Variants in CAGE1 observed in about 807,000 individuals in gnomAD.
CAGE1 encodes the protein cancer-associated gene 1 protein.
CAGE1 carries 66 observed loss-of-function variants against 94.9 expected under a neutral mutation model. The observed-to-expected ratio is 0.70, with a 90% CI of 0.57 to 0.85. The LOEUF (loss-of-function observed/expected upper bound fraction) is 0.85. Ranked by LOEUF, CAGE1 falls within the 40% of genes least tolerant of loss-of-function variation. The probability of loss-of-function intolerance (pLI) is 0.00; values close to 1 mark genes in which losing one functional copy is unlikely to be tolerated. For synonymous variants in CAGE1, 319 were observed against 321.0 expected (o/e 0.99, Z 0.07); for missense variants, 865 against 950.4 (o/e 0.91, Z 1.18).
At chr6:7,381,168 G>C (rs1760920955) in intron 3 of CAGE1, among the ~76,000 whole-genome samples, 2 of 152,074 alleles carry the variant, frequency 1.3e-5, no homozygotes. Context: ...CTAACCCCTA[G>C]TACCTTAAAA....
intron 6 of CAGE1, 77 bp from the exon 7 acceptor site, chr6:7,368,875 A>C: frequency 1.3e-6 from 1 of 754,132 alleles, no homozygotes; most frequent in East Asian, 2.9e-5. Flanking sequence ...ATGCATATGA[A>C]ACAAAAACAA....
At chr6:7,337,321 T>A (rs548623598) in intron 11 of CAGE1, among the ~76,000 whole-genome samples, 1 of 122,506 alleles carries the variant, frequency 8.2e-6, no homozygotes, top group Admixed American at 8.4e-5. Flanking sequence ...AGTGAGACTG[T>A]CTCGAAAAAA....
intron 9 of CAGE1, among the ~76,000 whole-genome samples, chr6:7,359,850 C>T (rs1464369748): frequency 1.3e-5 from 2 of 152,198 alleles, no homozygotes; most frequent in Non-Finnish European, 2.9e-5. Context: ...CACTTTCTGT[C>T]GCTGCTGCAA....
intron 12 of CAGE1, chr6:7,331,631 A>C: frequency 3.9e-6 from 1 of 256,624 alleles, no homozygotes; most frequent in Non-Finnish European, 8.1e-6. Context: ...TGTTTAAGAT[A>C]GAACTTCAGA....
intron 1 of CAGE1, among the ~76,000 whole-genome samples, chr6:7,387,804 G>T (rs952099477): frequency 2.0e-5 from 3 of 150,404 alleles, no homozygotes; most frequent in Non-Finnish European, 4.4e-5. Flanking sequence ...CGGATCACGA[G>T]GTCAGGAGAT....
chr6:7,368,252 C>CAAAAAAAAAAAAAAAAAAAAA, intron 7 of CAGE1, among the ~76,000 whole-genome samples: 1 of 84,444 alleles, frequency 1.2e-5, no homozygotes. Context: ...GACTCTGTCT[C>CAAAAAAAAAAAAAAAAAAAAA]AAAAAAAAAA....
intron 7 of CAGE1, among the ~76,000 whole-genome samples, chr6:7,366,104 G>A (rs971278316): frequency 3.9e-5 from 6 of 152,024 alleles, no homozygotes; most frequent in Middle Eastern, 6.8e-3. Flanking sequence ...AAATTATCCG[G>A]GCATGGTGGC....
intron 11 of CAGE1, chr6:7,347,362 C>G (rs1414108881): frequency 1.3e-5 from 2 of 152,108 alleles, no homozygotes; most frequent in African/African-American, 4.8e-5. Context: ...CGAGAAGTTT[C>G]CGACCTTACC....
rs1758554647 is a variant in CAGE1 at position 7,326,710 on chromosome 6, A to G, written c.*148T>C. 1 of 662,482 alleles carries G rather than the reference A, an allele frequency of 1.5e-6. No individual in the cohort carries two copies. The highest frequency in any genetic ancestry group is 1.8e-5 in the African/African-American group (1 of 54,494). The allele number at this position is 662,482 out of a possible 1,614,324, so 41.0% of individuals were successfully genotyped here. ...TATTCACAGGAAGAAATTAGAAGAA[A>G]AGTAATCACATCTTTGGAATGTAAG... On this transcript the variant is annotated 3_prime_UTR_variant, in exon 14 of 14. Coordinates refer to ENST00000502583, the MANE Select transcript of CAGE1 (RefSeq NM_001170692.2).
rs754624826 is a variant in CAGE1 at position 7,334,021 on chromosome 6, C to T, written c.2438+1G>A. 1.3e-6 allele frequency: 2 copies of T among 1,513,546 alleles called. No individual in the cohort carries two copies. The highest frequency in any genetic ancestry group is 1.8e-6 in the Non-Finnish European group (2 of 1,115,610). The allele number at this position is 1,513,546 out of a possible 1,614,324, so 93.8% of individuals were successfully genotyped here. On this transcript the variant is annotated splice_donor_variant, in intron 12 of 13. Coordinates refer to ENST00000502583, the MANE Select transcript of CAGE1 (RefSeq NM_001170692.2). LOFTEE classifies it high-confidence loss of function. ...AATTTTAAAAATAAAGGGAAACTTA[C>T]CTTGGTTTTCTGGCTTTTTCTCTGG...
chr6:7,344,078 G>A (rs752074000), intron 11 of CAGE1, among the ~76,000 whole-genome samples: 50 of 152,232 alleles, frequency 3.3e-4, no homozygotes, highest in Non-Finnish European at 5.6e-4. Flanking sequence ...GCCCTCGCTC[G>A]CTCTCGGCAC....
At chr6:7,340,961 A>T (rs1172383611) in intron 11 of CAGE1, 1 of 430,844 alleles carries the variant, frequency 2.3e-6, no homozygotes, top group Non-Finnish European at 4.6e-6. Flanking sequence ...AGGCTTTGCC[A>T]CAGGATAACA....
intron 4 of CAGE1, among the ~76,000 whole-genome samples, chr6:7,375,969 G>A (rs931511591): frequency 7.9e-5 from 12 of 152,106 alleles, no homozygotes; most frequent in African/African-American, 1.4e-4. Flanking sequence ...TTAACGTGCC[G>A]GAAGCTTGAT....
At chr6:7,383,402 G>T (rs959284487) in intron 3 of CAGE1, among the ~76,000 whole-genome samples, 3 of 152,146 alleles carry the variant, frequency 2.0e-5, no homozygotes, top group Non-Finnish European at 2.9e-5. Flanking sequence ...GTGAGGTAAG[G>T]TTCTAATCAT....
At chr6:7,381,985 G>A (rs1027360867) in intron 3 of CAGE1, among the ~76,000 whole-genome samples, 3 of 150,616 alleles carry the variant, frequency 2.0e-5, no homozygotes, top group Middle Eastern at 3.5e-3. Context: ...GACTACAGGC[G>A]CCCACCATCA....
chr6:7,368,449 A>G (rs1760426825), intron 7 of CAGE1, among the ~76,000 whole-genome samples: 1 of 152,094 alleles, frequency 6.6e-6, no homozygotes, highest in African/African-American at 2.4e-5. Flanking sequence ...TGCAAAAATG[A>G]AAAAATTTAT....
At chr6:7,341,489 G>T in intron 11 of CAGE1, 2 of 1,180,082 alleles carry the variant, frequency 1.7e-6, no homozygotes, top group Non-Finnish European at 2.5e-6. Flanking sequence ...GTATTCCATC[G>T]CGAGTCTGAG....
intron 11 of CAGE1, among the ~76,000 whole-genome samples, chr6:7,343,732 A>G (rs577159007): frequency 6.6e-6 from 1 of 152,318 alleles, no homozygotes; most frequent in African/African-American, 2.4e-5. Context: ...GGATCATATA[A>G]TGGGTAGGAA....
chr6:7,365,482 C>T lies in CAGE1; in HGVS notation c.2179G>A (p.Glu727Lys). ...GTCTTTCTTACCAAGAAATCAAGCT[C>T]CTCATTTAGACTGTGGTACTTATCC... ...KLDKYHSLNE[E>K]LDFLITKLGH... The change falls in exon 9 of 14, where the codon GAG becomes AAG. Residue 727 changes from glutamate to lysine, a missense_variant. Coordinates refer to ENST00000502583, the MANE Select transcript of CAGE1 (RefSeq NM_001170692.2). 6.2e-7 allele frequency: 1 copy of T among 1,612,942 alleles called. No homozygotes were observed.
Sources: allele counts gnomAD v4.1 joint callset (sites outside exome capture counted in the v4.1 genomes callset), GRCh38; gene constraint gnomAD v4.1.1; transcripts MANE v1.5; gene names NCBI Gene and HGNC (gene_info 2026-07-23, HGNC 2026-07-21).